The following HTRA3 variants were observed in gnomAD, a reference collection of about 807,000 sequenced individuals.
HTRA3 encodes HtrA serine peptidase 3, also known as serine protease HTRA3.
In HTRA3, 41 loss-of-function variants were observed where a neutral mutation model predicts 43.2. The ratio of observed to expected loss-of-function variants is 0.95; its 90% CI spans 0.74 to 1.23. The LOEUF is 1.23. Among genes scored for constraint, HTRA3 ranks in the 50% most tolerant of loss-of-function variants. The probability of loss-of-function intolerance (pLI) is 0.00; values close to 1 mark genes in which losing one functional copy is unlikely to be tolerated. For missense variants in HTRA3, 628 were observed against 647.1 expected, an observed-to-expected ratio of 0.97 and a Z score of 0.32; for synonymous variants, 295 against 287.9, an observed-to-expected ratio of 1.02 and a Z score of -0.25.
chr4:8,290,584 G>A (rs1713193770), intron 3 of HTRA3, among the ~76,000 whole-genome samples: 1 of 152,242 alleles, frequency 6.6e-6, no homozygotes, highest in South Asian at 2.1e-4. Context: ...AAGTTGATGT[G>A]GGTACGAGCA....
chr4:8,292,908 G>C (rs1442326976), intron 5 of HTRA3, among the ~76,000 whole-genome samples: 3 of 152,204 alleles, frequency 2.0e-5, no homozygotes, highest in Non-Finnish European at 2.9e-5. Context: ...ACATGAGATA[G>C]CTCTGGAGGG....
intron 3 of HTRA3, among the ~76,000 whole-genome samples, chr4:8,288,092 G>C (rs1374721311): frequency 6.6e-6 from 1 of 152,288 alleles, no homozygotes; most frequent in East Asian, 1.9e-4. Context: ...CTTTTGCAAG[G>C]GGGTTTCCTC....
In HTRA3 at chr4:8,286,540, C is replaced by T. The variant is rs1342832493; in HGVS notation, c.486-21C>T. ...GTCCTAGCCCCACCCTAAATGCCCG[C>T]CTGTGTCTCCCTGGCTGCAGACACC... On this transcript the variant is annotated intron_variant, in intron 2 of 8. Coordinates refer to ENST00000307358, the MANE Select transcript of HTRA3 (RefSeq NM_053044.5). This position sits in a 1 kb window ranked among gnomAD's most constrained non-coding sequence, Gnocchi z 4.9. 1 of 1,610,336 alleles carries T rather than the reference C, an allele frequency of 6.2e-7. No individual in the cohort carries two copies. Among genetic ancestry groups the T allele is most frequent in the African/African-American group, 1.3e-5 (1 of 74,794 alleles).
intron 1 of HTRA3, among the ~76,000 whole-genome samples, chr4:8,276,783 C>T (rs1248402141): frequency 6.6e-6 from 1 of 152,250 alleles, no homozygotes; most frequent in African/African-American, 2.4e-5. Flanking sequence ...TGGGGCTGGA[C>T]AGGTTGTCAC....
Position 8,296,666 on chromosome 4 carries a change from G to A in HTRA3, c.1051+2465G>A, listed in dbSNP as rs1299069537. Among the ~76,000 whole-genome samples, 2 of 152,336 alleles carry A rather than the reference G, an allele frequency of 1.3e-5. No individual in the cohort carries two copies. Among genetic ancestry groups the A allele is most frequent in the East Asian group, 3.9e-4 (2 of 5,174 alleles). ...GGGTCCAGCCAGCCTTAGGACCAGA[G>A]AGTAGCCCCACATGGGGTGGTGTGG... On this transcript the variant is annotated intron_variant, in intron 6 of 8. Coordinates refer to ENST00000307358, the MANE Select transcript of HTRA3 (RefSeq NM_053044.5). This position sits in a 1 kb window ranked among gnomAD's most constrained non-coding sequence, Gnocchi z 5.3.
In HTRA3 at chr4:8,296,802, C is replaced by T. The variant is rs111843676; in HGVS notation, c.1051+2601C>T. 3.9e-5 allele frequency among the ~76,000 whole-genome samples: 6 copies of T among 152,146 alleles called. No individual in the cohort carries two copies. Among genetic ancestry groups the T allele is most frequent in the Admixed American group, 2.0e-4 (3 of 15,284 alleles). The stretch of plus-strand genomic sequence containing the variant: ...CCTCTGGCCTGGGGGGTAAACCCCT[C>T]GTTTATCCTGTGGCCCACAAGCCAA... On this transcript the variant is annotated intron_variant, in intron 6 of 8. Transcript: ENST00000307358. This position sits in a 1 kb window ranked among gnomAD's most constrained non-coding sequence, Gnocchi z 5.3.
At chr4:8,290,520 C>A (rs752137099) in intron 3 of HTRA3, among the ~76,000 whole-genome samples, 2 of 152,204 alleles carry the variant, frequency 1.3e-5, no homozygotes, top group Non-Finnish European at 2.9e-5. Flanking sequence ...AGACTTTCCG[C>A]CAGCTTCCCT....
Position 8,296,619 on chromosome 4 carries a change from GGGGGA to G in HTRA3, c.1051+2420_1051+2424del. ...GTAAAGAGTGGCCACCATGCATGTTGGGGGAGCCCCAGGAGGGCTTGGGGTCCAGC... is the reference window on the plus strand; with the variant it reads ...GTAAAGAGTGGCCACCATGCATGTTGGCCCCAGGAGGGCTTGGGGTCCAGC... On this transcript the variant is annotated intron_variant, in intron 6 of 8. Coordinates refer to ENST00000307358, the MANE Select transcript of HTRA3 (RefSeq NM_053044.5). The surrounding 1 kb of genome is among the most constrained non-coding windows in gnomAD (Gnocchi z 5.3). The G allele has an allele frequency of 1.3e-6, 1 of 791,974 alleles. No individual in the cohort carries two copies. Among genetic ancestry groups the G allele is most frequent in the Non-Finnish European group, 1.5e-6 (1 of 653,632 alleles). 49.1% of individuals were successfully genotyped at this position (791,974 alleles called of 1,614,324 possible). A position where few individuals can be genotyped will look rare whatever the true frequency, so the allele number is the denominator to read the frequency against.
chr4:8,277,476 A>G (rs1712574503), intron 1 of HTRA3, among the ~76,000 whole-genome samples: 1 of 152,170 alleles, frequency 6.6e-6, no homozygotes, highest in Admixed American at 6.5e-5. Context: ...TGGGAAGGGT[A>G]CGAGGTGCTG....
intron 1 of HTRA3, among the ~76,000 whole-genome samples, chr4:8,272,404 G>T (rs544080361): frequency 9.6e-5 from 1 of 10,364 alleles, no homozygotes; most frequent in East Asian, 9.3e-4. Flanking sequence ...CCGTGAGCGT[G>T]GGGGGTCATG....
At chr4:8,272,413 T>C (rs888332601) in intron 1 of HTRA3, among the ~76,000 whole-genome samples, 1 of 151,510 alleles carries the variant, frequency 6.6e-6, no homozygotes, top group Non-Finnish European at 1.5e-5. Context: ...TGGGGGGTCA[T>C]GGGCTGAGGC....
intron 1 of HTRA3, 34 bp from the exon 2 acceptor site, chr4:8,282,403 T>G: frequency 1.3e-6 from 2 of 1,531,666 alleles, no homozygotes; most frequent in Middle Eastern, 1.7e-4. Flanking sequence ...CATCGTGATC[T>G]CACTGATGCA....
intron 1 of HTRA3, among the ~76,000 whole-genome samples, chr4:8,277,372 C>T (rs569665272): frequency 3.3e-5 from 5 of 152,296 alleles, no homozygotes; most frequent in African/African-American, 7.2e-5. Context: ...AGCATTCATT[C>T]GCTCCCTCAT....
intron 8 of HTRA3, among the ~76,000 whole-genome samples, chr4:8,305,582 C>T (rs1323819111): frequency 6.6e-6 from 1 of 152,228 alleles, no homozygotes; most frequent in East Asian, 1.9e-4. Flanking sequence ...CTCTGCCTCC[C>T]ACATAGACGT....
At chr4:8,281,018 GT>G (rs1178994174) in intron 1 of HTRA3, among the ~76,000 whole-genome samples, 2 of 152,220 alleles carry the variant, frequency 1.3e-5, no homozygotes, top group Non-Finnish European at 2.9e-5. Context: ...CCTCCCAGCC[GT>G]GAGTCCTTGG....
In HTRA3 at chr4:8,279,985, A is replaced by G. The variant is rs1712678395; in HGVS notation, c.386-2452A>G. Among the ~76,000 whole-genome samples, 1 of 152,106 alleles carries G rather than the reference A, an allele frequency of 6.6e-6. No homozygotes were observed. The highest frequency in any genetic ancestry group is 1.9e-4 in the East Asian group (1 of 5,168). On this transcript the variant is annotated intron_variant, in intron 1 of 8. Transcript: ENST00000307358. The surrounding 1 kb of genome is among the most constrained non-coding windows in gnomAD (Gnocchi z 7.4). ...CACGAGTGGCTTGAATAAGGCTGTG[A>G]GCAGCGGCAGATTCGGTACAACTGG...
intron 6 of HTRA3, among the ~76,000 whole-genome samples, chr4:8,301,032 T>TTCACACTCATCTTTATTAC (rs1320085806): frequency 7.2e-6 from 1 of 138,052 alleles, no homozygotes; most frequent in African/African-American, 2.5e-5. Context: ...ATCTTTATTA[T>TTCACACTCATCTTTATTAC]TGATTCACAC....
At chr4:8,274,402 C>A (rs745363018) in intron 1 of HTRA3, among the ~76,000 whole-genome samples, 3 of 152,216 alleles carry the variant, frequency 2.0e-5, no homozygotes, top group Non-Finnish European at 4.4e-5. Context: ...GCCCTGCACA[C>A]AGATGTGACT....
In HTRA3 at chr4:8,297,275, A is replaced by G. The variant is rs1457356551; in HGVS notation, c.1051+3074A>G. On this transcript the variant is annotated intron_variant, in intron 6 of 8. Transcript: ENST00000307358. The surrounding 1 kb of genome is among the most constrained non-coding windows in gnomAD (Gnocchi z 5.8). Reference sequence around the variant, plus strand: ...TGCTCACCTCTCAAGTTCAAGGAGAAGAGGCTTCAGAGTCCCCTATCCTGA... The same window carrying G: ...TGCTCACCTCTCAAGTTCAAGGAGAGGAGGCTTCAGAGTCCCCTATCCTGA... Among the ~76,000 whole-genome samples the G allele has an allele frequency of 6.6e-6, 1 of 151,994 alleles. No individual in the cohort carries two copies. The highest frequency in any genetic ancestry group is 2.0e-4 in the East Asian group (1 of 5,104).
Sources: gnomAD v4.1 joint callset for allele counts (sites outside exome capture counted in the v4.1 genomes callset) on GRCh38, gnomAD v4.1.1 for gene constraint, Gnocchi (gnomAD v3.1) non-coding constraint, MANE v1.5 for transcripts, NCBI Gene and HGNC (gene_info 2026-07-23, HGNC 2026-07-21) for gene names.